NARS2: variants seen among roughly 807,000 people sequenced by gnomAD.
NARS2 encodes asparaginyl-tRNA synthetase.
A neutral mutation model predicts 62.9 loss-of-function variants in NARS2; 60 were observed. The observed-to-expected ratio is 0.95, with a 90% CI of 0.77 to 1.18. The LOEUF is 1.18. Among genes scored for constraint, NARS2 ranks in the 50% most tolerant of loss-of-function variants. NARS2 has a pLI of 0.00. For synonymous variants in NARS2, 196 were observed against 200.0 expected, an observed-to-expected ratio of 0.98 and a Z score of 0.17; for missense variants, 619 against 576.4, an observed-to-expected ratio of 1.07 and a Z score of -0.76.
intron 11 of NARS2, among the ~76,000 whole-genome samples, chr11:78,449,357 C>T (rs1591129801): frequency 6.6e-6 from 1 of 151,768 alleles, no homozygotes; most frequent in East Asian, 1.9e-4. Flanking sequence ...AGGATGGTCT[C>T]GGATCTCCTG....
chr11:78,463,737 AC>A (rs1456679715), intron 11 of NARS2, among the ~76,000 whole-genome samples: 56 of 147,862 alleles, frequency 3.8e-4, no homozygotes, highest in African/African-American at 1.4e-3. Context: ...AAAAAAAAAA[AC>A]CACAGGACAA....
intron 5 of NARS2, among the ~76,000 whole-genome samples, chr11:78,558,990 G>C (rs1416088707): frequency 1.3e-5 from 2 of 152,078 alleles, no homozygotes; most frequent in African/African-American, 4.8e-5. Flanking sequence ...CTTAAGAAAA[G>C]TAAATAGAGT....
At chr11:78,495,224 C>T (rs1437500585) in intron 6 of NARS2, among the ~76,000 whole-genome samples, 1 of 152,126 alleles carries the variant, frequency 6.6e-6, no homozygotes, top group South Asian at 2.1e-4. Flanking sequence ...CCCACACATC[C>T]TTTTATCCAG....
At chr11:78,442,015 T>C (rs1857590437) in intron 12 of NARS2, among the ~76,000 whole-genome samples, 2 of 152,100 alleles carry the variant, frequency 1.3e-5, no homozygotes, top group South Asian at 2.1e-4. Context: ...ACAGAAAACA[T>C]GAAGAGCAGC....
intron 1 of NARS2, among the ~76,000 whole-genome samples, chr11:78,572,114 G>A (rs185543181): frequency 6.6e-6 from 1 of 152,162 alleles, no homozygotes; most frequent in African/African-American, 2.4e-5. Context: ...CCCACGAGGC[G>A]GAGGTTGCAG....
intron 5 of NARS2, among the ~76,000 whole-genome samples, chr11:78,542,900 G>A (rs143986679): frequency 6.4e-4 from 97 of 152,312 alleles, no homozygotes; most frequent in African/African-American, 2.3e-3. Flanking sequence ...GCGAGACCTT[G>A]GGTCAAAACA....
intron 2 of NARS2, among the ~76,000 whole-genome samples, chr11:78,570,266 T>TGAAC (rs1856878989): frequency 6.6e-6 from 1 of 152,224 alleles, no homozygotes; most frequent in Non-Finnish European, 1.5e-5. Flanking sequence ...CTCTGATCCA[T>TGAAC]GAACCTATTC....
chr11:78,566,600 G>A (rs1438245533), intron 3 of NARS2, among the ~76,000 whole-genome samples: 1 of 152,130 alleles, frequency 6.6e-6, no homozygotes, highest in African/African-American at 2.4e-5. Flanking sequence ...GATTAATTAT[G>A]CAAAATATCC....
Position 78,568,917 on chromosome 11 carries a change from C to T in NARS2, c.252-165G>A, listed in dbSNP as rs112336925. Among the ~76,000 whole-genome samples, 357 of 152,198 alleles carry T rather than the reference C, an allele frequency of 2.3e-3. 1 individual carries two copies. The highest frequency in any genetic ancestry group is 7.9e-3 in the African/African-American group (329 of 41,512). ...TGGATAATCTGTCGTATAAATAGAG[C>T]ATAAAGTTATAAAATGAATTCCATA... On this transcript the variant is annotated intron_variant, in intron 2 of 13. Transcript: ENST00000281038.
chr11:78,456,800 C>G (rs1331938932), intron 11 of NARS2, among the ~76,000 whole-genome samples: 1 of 152,222 alleles, frequency 6.6e-6, no homozygotes, highest in Admixed American at 6.5e-5. Flanking sequence ...AGCTGAACAT[C>G]TGCCACCTGG....
intron 6 of NARS2, among the ~76,000 whole-genome samples, chr11:78,523,197 C>T (rs1372734031): frequency 2.0e-5 from 3 of 152,162 alleles, no homozygotes; most frequent in Non-Finnish European, 4.4e-5. Flanking sequence ...CACACCTTTT[C>T]ATGTGCTCAT....
At chr11:78,445,647 T>A (rs945125261) in intron 11 of NARS2, among the ~76,000 whole-genome samples, 31 of 151,794 alleles carry the variant, frequency 2.0e-4, no homozygotes, top group African/African-American at 5.6e-4. Flanking sequence ...TTAAAAAAAT[T>A]TTTTTTAAAT....
chr11:78,569,461 T>C (rs995994558), intron 2 of NARS2, among the ~76,000 whole-genome samples: 1 of 152,218 alleles, frequency 6.6e-6, no homozygotes, highest in Non-Finnish European at 1.5e-5. Context: ...AGCCCATCTG[T>C]TCTAGTTCTA....
At chr11:78,513,269 A>G (rs2135392105) in intron 6 of NARS2, among the ~76,000 whole-genome samples, 1 of 152,170 alleles carries the variant, frequency 6.6e-6, no homozygotes, top group African/African-American at 2.4e-5. Context: ...AAAATGTACA[A>G]TTAAGTTATT....
At chr11:78,518,708 G>A (rs1405081557) in intron 6 of NARS2, among the ~76,000 whole-genome samples, 1 of 151,988 alleles carries the variant, frequency 6.6e-6, no homozygotes. Context: ...GAGTAGAGAT[G>A]GGATTTCACG....
At chr11:78,544,016 C>T (rs1348748668) in intron 5 of NARS2, among the ~76,000 whole-genome samples, 1 of 10,070 alleles carries the variant, frequency 9.9e-5, no homozygotes, top group African/African-American at 3.2e-4. Flanking sequence ...AAGACTCTGT[C>T]TCAAAAAAAA....
intron 4 of NARS2, among the ~76,000 whole-genome samples, chr11:78,561,665 T>A (rs1346537377): frequency 6.6e-6 from 1 of 152,198 alleles, no homozygotes; most frequent in Admixed American, 6.5e-5. Flanking sequence ...CTGAAATAAC[T>A]ATTATTTAAT....
intron 5 of NARS2, among the ~76,000 whole-genome samples, chr11:78,549,030 G>A (rs1267875560): frequency 6.6e-6 from 1 of 152,218 alleles, no homozygotes; most frequent in Non-Finnish European, 1.5e-5. Flanking sequence ...GGGGCAGCAT[G>A]CAGGCATTTC....
chr11:78,509,765 T>TGCA (rs1337412959), intron 6 of NARS2, among the ~76,000 whole-genome samples: 2 of 147,624 alleles, frequency 1.4e-5, no homozygotes, highest in African/African-American at 5.0e-5. Context: ...AGGTGGAGGA[T>TGCA]GCAGTAAGCT....
Sources: allele counts gnomAD v4.1 joint callset (sites outside exome capture counted in the v4.1 genomes callset), GRCh38; gene constraint gnomAD v4.1.1; transcripts MANE v1.5; gene names NCBI Gene and HGNC (gene_info 2026-07-23, HGNC 2026-07-21).